Variants in SH3PXD2B observed in about 807,000 individuals in gnomAD.
SH3PXD2B encodes the protein SH3 and PX domains 2B.
In SH3PXD2B, 37 loss-of-function variants were observed where a neutral mutation model predicts 73.1. The observed-to-expected ratio is 0.51, with a 90% confidence interval of 0.39 to 0.67. The LOEUF is 0.67. Ranked by LOEUF, SH3PXD2B falls within the 30% of genes least tolerant of loss-of-function variation. The pLI, the probability that SH3PXD2B is intolerant of heterozygous loss-of-function variation, is 0.00. For synonymous variants in SH3PXD2B, 457 were observed against 480.5 expected (o/e 0.95, Z 0.64); for missense variants, 1,053 against 1,197.8 (o/e 0.88, Z 1.78).
chr5:172,438,992 A>G (rs969984211), intron 1 of SH3PXD2B, among the ~76,000 whole-genome samples: 5 of 151,438 alleles, frequency 3.3e-5, no homozygotes, highest in African/African-American at 1.2e-4. Flanking sequence ...TAATCCCAGC[A>G]CTTTGGGAGG....
intron 1 of SH3PXD2B, among the ~76,000 whole-genome samples, chr5:172,446,326 C>T (rs1759659034): frequency 6.6e-6 from 1 of 152,200 alleles, no homozygotes; most frequent in Admixed American, 6.5e-5. Context: ...ATAAACCTGT[C>T]TTCTCTTTTG....
chr5:172,436,999 C>A (rs1294327951), intron 1 of SH3PXD2B, among the ~76,000 whole-genome samples: 1 of 152,186 alleles, frequency 6.6e-6, no homozygotes, highest in Non-Finnish European at 1.5e-5. Flanking sequence ...CAAGCTCCCA[C>A]ACTGGCTGGG....
chr5:172,430,715 TG>T (rs1759215598), intron 1 of SH3PXD2B, among the ~76,000 whole-genome samples: 1 of 152,240 alleles, frequency 6.6e-6, no homozygotes, highest in African/African-American at 2.4e-5. Flanking sequence ...TTTTGTGGCC[TG>T]GGCCAGAATA....
At chr5:172,330,724 G>A (rs917891540), downstream of SH3PXD2B, among the ~76,000 whole-genome samples, 1 of 152,174 alleles carries the variant, frequency 6.6e-6, no homozygotes, top group Non-Finnish European at 1.5e-5. Flanking sequence ...ATGGTAAGGG[G>A]CTCAGATGCC....
At chr5:172,379,061 C>A in intron 5 of SH3PXD2B, among the ~76,000 whole-genome samples, 1 of 116,658 alleles carries the variant, frequency 8.6e-6, no homozygotes. Flanking sequence ...TAGAGCAAGA[C>A]TCTGTCTCAA....
intron 3 of SH3PXD2B, among the ~76,000 whole-genome samples, chr5:172,395,955 G>A (rs1425495779): frequency 6.6e-6 from 1 of 152,054 alleles, no homozygotes; most frequent in Non-Finnish European, 1.5e-5. Context: ...GGGTCAAGAG[G>A]CTGGCAAGGT....
chr5:172,369,883 T>C (rs1244160066), intron 6 of SH3PXD2B, among the ~76,000 whole-genome samples: 2 of 152,030 alleles, frequency 1.3e-5, no homozygotes, highest in Non-Finnish European at 2.9e-5. Context: ...GTTTTGTTTA[T>C]ACAGGTCTCT....
At chr5:172,395,395 G>C (rs1236243894) in intron 3 of SH3PXD2B, among the ~76,000 whole-genome samples, 1 of 152,178 alleles carries the variant, frequency 6.6e-6, no homozygotes, top group Non-Finnish European at 1.5e-5. Context: ...GAAGGGTTTT[G>C]AGTTCTCTTA....
intron 1 of SH3PXD2B, among the ~76,000 whole-genome samples, chr5:172,427,779 A>ATT (rs112469816): frequency 5.8e-5 from 8 of 138,926 alleles, no homozygotes; most frequent in South Asian, 4.6e-4. Context: ...TGTTACCACG[A>ATT]TTTTTTTTTT....
At chr5:172,408,312 G>A in intron 2 of SH3PXD2B, among the ~76,000 whole-genome samples, 1 of 152,018 alleles carries the variant, frequency 6.6e-6, no homozygotes, top group Non-Finnish European at 1.5e-5. Context: ...CTGTCACCCA[G>A]GCTGGAGTGC....
rs376356147 is a variant in SH3PXD2B, at chr5:172,444,635, C to T, written c.75+9643G>A. Among the ~76,000 whole-genome samples, 12 of 152,330 alleles carry T rather than the reference C, an allele frequency of 7.9e-5. No individual in the cohort carries two copies. In the East Asian group the frequency reaches 2.3e-3, roughly 29 times the overall value. ...GAATTTCAGGATTACTACTGGCTTGCAGAGTCCCCTCTAATAACCTTCCCT... is the reference window on the plus strand; with the variant it reads ...GAATTTCAGGATTACTACTGGCTTGTAGAGTCCCCTCTAATAACCTTCCCT... On this transcript the variant is annotated intron_variant, in intron 1 of 12. Coordinates refer to ENST00000311601, the MANE Select transcript of SH3PXD2B (RefSeq NM_001017995.3).
chr5:172,364,659 C>G lies in SH3PXD2B; in HGVS notation c.428-1790G>C, dbSNP rs765377498. 2.0e-5 allele frequency among the ~76,000 whole-genome samples: 3 copies of G among 151,172 alleles called. No individual in the cohort carries two copies. The East Asian group carries it at 5.8e-4, about 29-fold the overall frequency. ...CAGCCTGGGTGACAGAACAAAACTC[C>G]GTCCTCCGCTCCCCGCCCAAAAAAA... On this transcript the variant is annotated intron_variant, in intron 6 of 12. Coordinates refer to ENST00000311601, the MANE Select transcript of SH3PXD2B (RefSeq NM_001017995.3).
At chr5:172,369,561 A>C (rs1757655632) in intron 6 of SH3PXD2B, among the ~76,000 whole-genome samples, 1 of 152,044 alleles carries the variant, frequency 6.6e-6, no homozygotes, top group South Asian at 2.1e-4. Flanking sequence ...TGAGGTCAGG[A>C]GTTTGAGACC....
intron 2 of SH3PXD2B, among the ~76,000 whole-genome samples, chr5:172,417,981 CCTG>C (rs1446467213): frequency 6.6e-6 from 1 of 152,208 alleles, no homozygotes; most frequent in Non-Finnish European, 1.5e-5. Flanking sequence ...CAGCCACGAA[CCTG>C]CTTTCTGTCT....
chr5:172,426,247 A>G (rs1759094552), intron 1 of SH3PXD2B, among the ~76,000 whole-genome samples: 1 of 152,228 alleles, frequency 6.6e-6, no homozygotes, highest in Admixed American at 6.5e-5. Flanking sequence ...CTAATTTTTT[A>G]ACGAGAGCTG....
At chr5:172,325,248 T>G in exon 13 of SH3PXD2B, 1 of 1,477,944 alleles carries the variant, frequency 6.8e-7, no homozygotes, top group Non-Finnish European at 9.1e-7. Context: ...AAATTCATGT[T>G]CACAGCAGCA....
At position 172,406,359 on chromosome 5, in the gene SH3PXD2B, G is replaced by T. The variant is rs769916334; in HGVS notation, c.157-7C>A. ...ATTTGTCCAACATCTGCATCTAAGTGGGGGGCGAATACCAAAAACAAAAAC... is the reference window on the plus strand; with the variant it reads ...ATTTGTCCAACATCTGCATCTAAGTTGGGGGCGAATACCAAAAACAAAAAC... On this transcript the variant is annotated splice_polypyrimidine_tract_variant and splice_region_variant and intron_variant, in intron 2 of 12. Transcript: ENST00000311601. The T allele has an allele frequency of 3.7e-6, 6 of 1,613,862 alleles. No homozygotes were observed. The highest frequency in any genetic ancestry group is 1.7e-5 in the Admixed American group (1 of 60,004).
chr5:172,416,692 CTCTCTTTTTTTTTTTTTTTT>C (rs1250678814), intron 2 of SH3PXD2B, among the ~76,000 whole-genome samples: 2 of 91,220 alleles, frequency 2.2e-5, no homozygotes, highest in Admixed American at 1.3e-4. Flanking sequence ...CTCTCTCTCT[CTCTCTTTTTTTTTTTTTTTT>C]TTTTTTTTTT....
In SH3PXD2B at chr5:172,391,247, C is replaced by T. The variant is rs1290500728; in HGVS notation, c.309+3316G>A. On this transcript the variant is annotated intron_variant, in intron 4 of 12. Coordinates refer to ENST00000311601, the MANE Select transcript of SH3PXD2B (RefSeq NM_001017995.3). ...AACTCTAGTGGCTGTATAAGTATCTCATTATGGTTTTATTTTGCATTCCCA... is the reference window on the plus strand; with the variant it reads ...AACTCTAGTGGCTGTATAAGTATCTTATTATGGTTTTATTTTGCATTCCCA... Among the ~76,000 whole-genome samples, 13 of 152,232 alleles carry T rather than the reference C, an allele frequency of 8.5e-5. No individual in the cohort carries two copies. In the South Asian group the frequency reaches 1.5e-3, roughly 17 times the overall value.
Sources: gnomAD v4.1 joint callset for allele counts (sites outside exome capture counted in the v4.1 genomes callset) on GRCh38, gnomAD v4.1.1 for gene constraint, MANE v1.5 for transcripts, NCBI Gene and HGNC (gene_info 2026-07-23, HGNC 2026-07-21) for gene names.